IL1RAPL2: variants seen among roughly 807,000 people sequenced by gnomAD.
The protein encoded by IL1RAPL2 is X-linked interleukin-1 receptor accessory protein-like 2.
IL1RAPL2 carries 3 observed loss-of-function variants against 44.1 expected under a neutral mutation model. The observed-to-expected ratio is 0.07, with a 90% CI of 0.03 to 0.18. The LOEUF is 0.18. Among genes scored for constraint, IL1RAPL2 ranks in the 10% least tolerant of loss-of-function variants. The pLI is 1.00. For missense variants in IL1RAPL2, 391 were observed against 496.4 expected, an observed-to-expected ratio of 0.79 and a Z score of 2.02; for synonymous variants, 181 against 178.8, an observed-to-expected ratio of 1.01 and a Z score of -0.10.
chrX:105,462,205 T>C (rs1360897047), intron 5 of IL1RAPL2, among the ~76,000 whole-genome samples: 1 of 111,340 alleles, frequency 9.0e-6, no homozygotes, highest in Non-Finnish European at 1.9e-5. Flanking sequence ...TGTTTCCTTA[T>C]AATGAAAGCA....
At chrX:105,039,456 C>G (rs1408185493) in intron 2 of IL1RAPL2, among the ~76,000 whole-genome samples, 1 of 111,802 alleles carries the variant, frequency 8.9e-6, no homozygotes, top group East Asian at 2.8e-4. Flanking sequence ...ATTGGGATGA[C>G]AGTTCCTATG....
At chrX:104,850,366 G>A (rs1221716474) in intron 2 of IL1RAPL2, among the ~76,000 whole-genome samples, 1 of 111,329 alleles carries the variant, frequency 9.0e-6, no homozygotes, top group African/African-American at 3.3e-5. Context: ...TTGTTAGTCT[G>A]GTTTGACTAG....
At chrX:105,024,994 A>G (rs1173082040) in intron 2 of IL1RAPL2, among the ~76,000 whole-genome samples, 1 of 105,564 alleles carries the variant, frequency 9.5e-6, no homozygotes, top group East Asian at 3.0e-4. Context: ...GTCTTTCTGA[A>G]CCATTTTCTC....
At chrX:105,657,708 G>A (rs887134880) in intron 6 of IL1RAPL2, among the ~76,000 whole-genome samples, 12 of 111,633 alleles carry the variant, frequency 1.1e-4, no homozygotes, top group Admixed American at 2.8e-4. Flanking sequence ...TCCGCCTCCC[G>A]GTTCAAGCGA....
rs1269915308 is a variant in IL1RAPL2 at position 105,364,687 on chromosome X, TA to T, written c.697+97154del. On this transcript the variant is annotated intron_variant, in intron 5 of 10. Coordinates refer to ENST00000372582, the MANE Select transcript of IL1RAPL2 (RefSeq NM_017416.2). ...TTTGATGTTCTTGTAAATGACGTTT[TA>T]AAAAAAATCAGATAGCTCATTGTTA... Among the ~76,000 whole-genome samples, 7 of 111,190 alleles carry T rather than the reference TA, an allele frequency of 6.3e-5. No homozygotes were observed. In the East Asian group the frequency reaches 1.1e-3, roughly 18 times the overall value.
chrX:105,695,151 C>CA (rs1487015572), intron 6 of IL1RAPL2, among the ~76,000 whole-genome samples: 1 of 111,767 alleles, frequency 8.9e-6, no homozygotes, highest in Non-Finnish European at 1.9e-5. Context: ...TTAAAGTTAT[C>CA]AAAAAACTGC....
intron 6 of IL1RAPL2, among the ~76,000 whole-genome samples, chrX:105,617,593 A>G (rs1480112193): frequency 8.9e-6 from 1 of 111,804 alleles, no homozygotes; most frequent in Non-Finnish European, 1.9e-5. Flanking sequence ...ATAATTAACA[A>G]TAGCTATTTC....
chrX:105,495,354 A>G (rs1164302845), intron 6 of IL1RAPL2, among the ~76,000 whole-genome samples: 1 of 112,271 alleles, frequency 8.9e-6, no homozygotes, highest in East Asian at 2.8e-4. Context: ...TCTAGTCTTT[A>G]CCAATATCTG....
At position 105,508,750 on chromosome X, in the gene IL1RAPL2, T is replaced by TA. The variant is rs2036449286; in HGVS notation, c.772+24364dup. Among the ~76,000 whole-genome samples the TA allele has an allele frequency of 2.7e-5, 3 of 110,830 alleles. No homozygotes were observed. In the South Asian group the frequency reaches 1.2e-3, roughly 43 times the overall value. Reference sequence around the variant, plus strand: ...TCTCTATGTTCAACACTGGGAGCCTTATGCATTGATCAAGCATTGACATTT... The same window carrying TA: ...TCTCTATGTTCAACACTGGGAGCCTTAATGCATTGATCAAGCATTGACATTT... On this transcript the variant is annotated intron_variant, in intron 6 of 10. Coordinates refer to ENST00000372582, the MANE Select transcript of IL1RAPL2 (RefSeq NM_017416.2).
At chrX:104,596,902 AGT>A (rs1928774783) in intron 1 of IL1RAPL2, among the ~76,000 whole-genome samples, 2 of 111,383 alleles carry the variant, frequency 1.8e-5, no homozygotes, top group African/African-American at 6.5e-5. Flanking sequence ...ACAGTGGGTG[AGT>A]GAGAGAGAGG....
chrX:105,440,799 G>A (rs1373162838), intron 5 of IL1RAPL2, among the ~76,000 whole-genome samples: 1 of 111,864 alleles, frequency 8.9e-6, no homozygotes, highest in Admixed American at 9.5e-5. Context: ...TGTCAAGGGT[G>A]GGGCCAGGTG....
intron 6 of IL1RAPL2, among the ~76,000 whole-genome samples, chrX:105,535,461 A>G (rs1474690546): frequency 8.9e-6 from 1 of 112,080 alleles, no homozygotes; most frequent in Non-Finnish European, 1.9e-5. Flanking sequence ...TGAGGTATTT[A>G]CTGTAGAGAA....
chrX:104,832,880 G>A (rs1465977127), intron 2 of IL1RAPL2, among the ~76,000 whole-genome samples: 1 of 111,146 alleles, frequency 9.0e-6, no homozygotes, highest in African/African-American at 3.3e-5. Flanking sequence ...TTGAAAAAAA[G>A]TTGATTTTGG....
At chrX:105,425,834 C>CA (rs199990628) in intron 5 of IL1RAPL2, among the ~76,000 whole-genome samples, 1 of 109,515 alleles carries the variant, frequency 9.1e-6, no homozygotes, top group African/African-American at 3.3e-5. Flanking sequence ...AAAAATGCTA[C>CA]AAAAAACCCC....
intron 5 of IL1RAPL2, among the ~76,000 whole-genome samples, chrX:105,392,383 G>A (rs183070363): frequency 9.0e-6 from 1 of 110,556 alleles, no homozygotes; most frequent in East Asian, 2.9e-4. Context: ...ACACCAAAAT[G>A]AATAAATGAA....
intron 2 of IL1RAPL2, among the ~76,000 whole-genome samples, chrX:104,800,507 TAAG>T (rs770772722): frequency 8.9e-6 from 1 of 112,181 alleles, no homozygotes; most frequent in East Asian, 2.8e-4. Flanking sequence ...ATAGAATTAA[TAAG>T]AAGTAGCATG....
At chrX:105,286,745 C>T (rs963586446) in intron 5 of IL1RAPL2, among the ~76,000 whole-genome samples, 2 of 111,296 alleles carry the variant, frequency 1.8e-5, no homozygotes, top group Admixed American at 9.6e-5. Context: ...GATAATAACC[C>T]TTTCATTAAA....
chrX:105,542,703 A>G (rs1281606336), intron 6 of IL1RAPL2, among the ~76,000 whole-genome samples: 2 of 83,045 alleles, frequency 2.4e-5, no homozygotes, highest in Non-Finnish European at 5.0e-5. Context: ...TTATTTATTT[A>G]TTTATTTATT....
At chrX:104,658,634 GA>G (rs1278933258) in intron 1 of IL1RAPL2, among the ~76,000 whole-genome samples, 3 of 112,258 alleles carry the variant, frequency 2.7e-5, no homozygotes, top group Non-Finnish European at 3.8e-5. Flanking sequence ...CAAAAAAATT[GA>G]AAAAGAAAGT....
Sources: allele counts gnomAD v4.1 joint callset (sites outside exome capture counted in the v4.1 genomes callset), GRCh38; gene constraint gnomAD v4.1.1; transcripts MANE v1.5; gene names NCBI Gene and HGNC (gene_info 2026-07-23, HGNC 2026-07-21).